PHACTR3: variants seen among roughly 807,000 people sequenced by gnomAD.
PHACTR3 encodes protein phosphatase 1, regulatory subunit 123.
In PHACTR3, 16 loss-of-function variants were observed where a neutral mutation model predicts 66.8. That is an observed-to-expected ratio of 0.24 (90% confidence interval 0.16 to 0.36). The LOEUF is 0.36. Ranked by LOEUF, PHACTR3 falls within the 10% of genes least tolerant of loss-of-function variation. The pLI is 1.00. For missense variants in PHACTR3, 647 were observed against 719.9 expected, an observed-to-expected ratio of 0.90 and a Z score of 1.16; for synonymous variants, 323 against 292.1, an observed-to-expected ratio of 1.11 and a Z score of -1.08.
intron 1 of PHACTR3, among the ~76,000 whole-genome samples, chr20:59,637,631 C>G (rs2034941111): frequency 6.6e-6 from 1 of 151,786 alleles, no homozygotes; most frequent in Non-Finnish European, 1.5e-5. Context: ...ACCCTCAACC[C>G]TAACGTGAAC....
At chr20:59,675,925 A>G (rs1337908103) in intron 1 of PHACTR3, among the ~76,000 whole-genome samples, 2 of 152,162 alleles carry the variant, frequency 1.3e-5, no homozygotes, top group Non-Finnish European at 2.9e-5. Flanking sequence ...CGACCTCCCC[A>G]TCTGTCTGCC....
intron 7 of PHACTR3, among the ~76,000 whole-genome samples, chr20:59,800,739 G>A (rs2041388122): frequency 6.6e-6 from 1 of 152,174 alleles, no homozygotes; most frequent in Admixed American, 6.5e-5. Context: ...ACCTTCTTGG[G>A]TGTTGGATGT....
chr20:59,583,056 A>C (rs529387732), intron 1 of PHACTR3, among the ~76,000 whole-genome samples: 6 of 152,196 alleles, frequency 3.9e-5, no homozygotes, highest in African/African-American at 1.4e-4. Context: ...GCATCCTGAG[A>C]AGTCCTCAGC....
chr20:59,728,608 A>ATT (rs1259753111), intron 1 of PHACTR3, among the ~76,000 whole-genome samples: 5 of 151,842 alleles, frequency 3.3e-5, no homozygotes, highest in African/African-American at 9.7e-5. Context: ...ACTCCTATTG[A>ATT]TTTTTTCAAA....
intron 1 of PHACTR3, among the ~76,000 whole-genome samples, chr20:59,686,382 G>A (rs113017926): frequency 1.3e-4 from 20 of 152,218 alleles, no homozygotes; most frequent in African/African-American, 4.8e-4. Context: ...TCTAGAGTTG[G>A]AGGGAGGATT....
At chr20:59,628,900 G>A in intron 1 of PHACTR3, 1 of 797,400 alleles carries the variant, frequency 1.3e-6, no homozygotes, top group Non-Finnish European at 1.5e-6. Flanking sequence ...CTCACGTGGG[G>A]GTTGCAGAGC....
intron 1 of PHACTR3, among the ~76,000 whole-genome samples, chr20:59,658,243 T>TA (rs1196978917): frequency 2.6e-5 from 4 of 152,152 alleles, no homozygotes; most frequent in Admixed American, 1.3e-4. Flanking sequence ...ATATTTATAA[T>TA]ATTTTGGACA....
intron 1 of PHACTR3, among the ~76,000 whole-genome samples, chr20:59,703,039 C>G (rs1352646649): frequency 6.6e-6 from 1 of 152,212 alleles, no homozygotes; most frequent in Non-Finnish European, 1.5e-5. Flanking sequence ...CTCCCTTCCT[C>G]TTCATCTATT....
intron 7 of PHACTR3, among the ~76,000 whole-genome samples, chr20:59,800,695 G>T (rs1228544036): frequency 6.6e-6 from 1 of 152,142 alleles, no homozygotes; most frequent in East Asian, 1.9e-4. Flanking sequence ...TTGCAGGCAT[G>T]GTAATTTTTT....
intron 1 of PHACTR3, among the ~76,000 whole-genome samples, chr20:59,705,698 T>A (rs999776089): frequency 6.6e-6 from 1 of 152,172 alleles, no homozygotes; most frequent in Non-Finnish European, 1.5e-5. Context: ...GCCGAGACAC[T>A]CCTGGTTCAA....
intron 1 of PHACTR3, among the ~76,000 whole-genome samples, chr20:59,594,003 T>G (rs1168043301): frequency 6.6e-6 from 1 of 152,228 alleles, no homozygotes; most frequent in Admixed American, 6.5e-5. Flanking sequence ...CCTCTCCATA[T>G]AAACCTTAGA....
At chr20:59,630,949 C>T (rs6064820) in intron 1 of PHACTR3, among the ~76,000 whole-genome samples, 106,169 of 151,968 alleles carry the variant, frequency 0.7, 37,408 homozygotes, top group East Asian at 0.89. Context: ...TTTGGTAAAA[C>T]GTTCATGAAG....
At chr20:59,827,668 C>A (rs897508833) in intron 8 of PHACTR3, among the ~76,000 whole-genome samples, 21 of 152,240 alleles carry the variant, frequency 1.4e-4, no homozygotes, top group African/African-American at 5.1e-4. Context: ...ACCTGGAGTT[C>A]TTTTCTGTGC....
intron 1 of PHACTR3, among the ~76,000 whole-genome samples, chr20:59,682,867 A>G (rs148670774): frequency 2.0e-5 from 3 of 152,174 alleles, no homozygotes; most frequent in African/African-American, 7.2e-5. Flanking sequence ...AAGCAGGGAC[A>G]TTGTAGGGAG....
intron 7 of PHACTR3, among the ~76,000 whole-genome samples, chr20:59,787,139 C>T (rs960496198): frequency 2.6e-5 from 4 of 152,206 alleles, no homozygotes; most frequent in South Asian, 2.1e-4. Flanking sequence ...ATAGACACCA[C>T]GTTTTTGTAG....
chr20:59,602,065 T>C (rs576340119), upstream of PHACTR3, among the ~76,000 whole-genome samples: 3 of 152,290 alleles, frequency 2.0e-5, no homozygotes, highest in Non-Finnish European at 4.4e-5. Flanking sequence ...GTTCCTTCCA[T>C]TCTTTGTCCT....
At chr20:59,711,166 C>T (rs760235416) in intron 1 of PHACTR3, among the ~76,000 whole-genome samples, 2 of 152,066 alleles carry the variant, frequency 1.3e-5, no homozygotes, top group Non-Finnish European at 2.9e-5. Context: ...TTTTCAAATA[C>T]ATAATTTTCA....
chr20:59,767,506 TCATC>T, intron 5 of PHACTR3, 111 bp downstream of exon 5: 17 of 1,239,552 alleles, frequency 1.4e-5, no homozygotes, highest in African/African-American at 1.5e-5. Context: ...ACCCATTCAC[TCATC>T]CATCCATCCA....
intron 1 of PHACTR3, among the ~76,000 whole-genome samples, chr20:59,610,002 C>A (rs1029410312): frequency 6.6e-6 from 1 of 152,092 alleles, no homozygotes; most frequent in African/African-American, 2.4e-5. Context: ...ACCTGTAATC[C>A]CAGCAGTTTG....
Sources: gnomAD v4.1 joint callset for allele counts (sites outside exome capture counted in the v4.1 genomes callset) on GRCh38, gnomAD v4.1.1 for gene constraint, MANE v1.5 for transcripts, NCBI Gene and HGNC (gene_info 2026-07-23, HGNC 2026-07-21) for gene names.